Variants in HK1 observed in about 807,000 individuals in gnomAD.
HK1 encodes the protein hexokinase 1.
In HK1, 28 loss-of-function variants were observed where a neutral mutation model predicts 91.6. The ratio of observed to expected loss-of-function variants is 0.31; its 90% CI spans 0.23 to 0.42. The LOEUF (loss-of-function observed/expected upper bound fraction) is 0.42, where lower values mean the gene tolerates loss of function less well. HK1 is among the 10% of genes least tolerant of loss of function. The probability of loss-of-function intolerance (pLI) is 1.00; values close to 1 mark genes in which losing one functional copy is unlikely to be tolerated. For synonymous variants in HK1, 430 were observed against 468.1 expected (o/e 0.92, Z 1.05); for missense variants, 770 against 1,219.8 (o/e 0.63, Z 5.49).
At chr10:69,293,309 C>T (rs572531996) in intron 3 of HK1, among the ~76,000 whole-genome samples, 1 of 152,188 alleles carries the variant, frequency 6.6e-6, no homozygotes, top group Non-Finnish European at 1.5e-5. Context: ...AGGTTCCCAG[C>T]CTCAGTTCAC....
intron 5 of HK1, among the ~76,000 whole-genome samples, chr10:69,301,244 C>CAA (rs35215102): frequency 0.032 from 3,619 of 113,278 alleles, 125 homozygotes; most frequent in East Asian, 0.089. Context: ...GACTCCATCT[C>CAA]AAAAAAAAAA....
intron 14 of HK1, among the ~76,000 whole-genome samples, chr10:69,390,034 T>G (rs957500848): frequency 2.0e-5 from 3 of 152,170 alleles, no homozygotes; most frequent in African/African-American, 7.2e-5. Flanking sequence ...GCCTGGTGAG[T>G]GAGCAGTGGC....
chr10:69,368,193 T>C (rs1030769618), intron 4 of HK1, among the ~76,000 whole-genome samples: 7 of 152,252 alleles, frequency 4.6e-5, no homozygotes, highest in Non-Finnish European at 7.3e-5. Context: ...GGGATTTCTC[T>C]TGCTCCCTTT....
chr10:69,363,306 G>C (rs1849532134), intron 3 of HK1, among the ~76,000 whole-genome samples: 1 of 152,236 alleles, frequency 6.6e-6, no homozygotes, highest in African/African-American at 2.4e-5. Context: ...ACTAGAGGCA[G>C]AGAGATAAAG....
chr10:69,326,793 T>C (rs1268225696), intron 1 of HK1, among the ~76,000 whole-genome samples: 2 of 152,164 alleles, frequency 1.3e-5, no homozygotes, highest in African/African-American at 4.8e-5. Context: ...CTGAGATAGT[T>C]TGCTGCTTCT....
chr10:69,393,658 A>G (rs1436162892), intron 15 of HK1, among the ~76,000 whole-genome samples: 1 of 152,272 alleles, frequency 6.6e-6, no homozygotes, highest in African/African-American at 2.4e-5. Context: ...CAATAGTACC[A>G]TAAAGAGATG....
chr10:69,365,006 G>T, intron 4 of HK1, 104 bp downstream of exon 4: 1 of 1,272,682 alleles, frequency 7.9e-7, no homozygotes, highest in South Asian at 1.2e-5. Context: ...AGAATGGTTT[G>T]CATGTCTGGT....
intron 1 of HK1, among the ~76,000 whole-genome samples, chr10:69,272,262 C>T (rs1389339594): frequency 6.6e-6 from 1 of 152,220 alleles, no homozygotes; most frequent in Non-Finnish European, 1.5e-5. Flanking sequence ...TGCTAAATTT[C>T]AGTTACAGAC....
chr10:69,332,890 A>G (rs2132635393), intron 1 of HK1, among the ~76,000 whole-genome samples: 1 of 152,268 alleles, frequency 6.6e-6, no homozygotes, highest in East Asian at 1.9e-4. Flanking sequence ...CAGAGTAGGC[A>G]GACAACAGAG....
chr10:69,332,316 G>T (rs1847767497), intron 1 of HK1, among the ~76,000 whole-genome samples: 1 of 149,736 alleles, frequency 6.7e-6, no homozygotes, highest in South Asian at 2.1e-4. Flanking sequence ...CATCCAGCTT[G>T]AGCAGTATTG....
At chr10:69,299,103 C>A (rs2132491189) in intron 4 of HK1, among the ~76,000 whole-genome samples, 1 of 151,328 alleles carries the variant, frequency 6.6e-6, no homozygotes, top group African/African-American at 2.4e-5. Context: ...CCATGCCCGA[C>A]CTATGTTTTT....
intron 1 of HK1, among the ~76,000 whole-genome samples, chr10:69,329,198 C>T (rs1227593421): frequency 6.7e-6 from 1 of 149,750 alleles, no homozygotes; most frequent in African/African-American, 2.5e-5. Flanking sequence ...GAGTCTTGCT[C>T]TGTCACCAGG....
chr10:69,277,964 C>T (rs939610203), intron 1 of HK1, among the ~76,000 whole-genome samples: 13 of 151,438 alleles, frequency 8.6e-5, no homozygotes, highest in Non-Finnish European at 1.6e-4. Context: ...ACCTGGGAGG[C>T]GAAGGTTGCA....
In HK1 at chr10:69,369,205, G is replaced by A. The variant is rs1471975091; in HGVS notation, c.592-32G>A. On this transcript the variant is annotated intron_variant, in intron 5 of 17. Coordinates refer to ENST00000359426, the MANE Select transcript of HK1 (RefSeq NM_000188.3). This position sits in a 1 kb window ranked among gnomAD's most constrained non-coding sequence, Gnocchi z 4.4. ...GTGTGATCTCTGCTCCCATGTGTGAGTGGACAATGACACCCCGTTATCTGT... is the reference window on the plus strand; with the variant it reads ...GTGTGATCTCTGCTCCCATGTGTGAATGGACAATGACACCCCGTTATCTGT... 1 of 1,519,824 alleles carries A rather than the reference G, an allele frequency of 6.6e-7. No homozygotes were observed. Among genetic ancestry groups the A allele is most frequent in the Admixed American group, 1.7e-5 (1 of 59,858 alleles). 94.1% of individuals were successfully genotyped at this position (1,519,824 alleles called of 1,614,324 possible). A position where few individuals can be genotyped will look rare whatever the true frequency, so the allele number is the denominator to read the frequency against.
intron 10 of HK1, among the ~76,000 whole-genome samples, chr10:69,383,348 A>G (rs1381852139): frequency 6.6e-6 from 1 of 152,232 alleles, no homozygotes; most frequent in African/African-American, 2.4e-5. Flanking sequence ...TTTCGCATTC[A>G]GGCAAATTGT....
chr10:69,365,888 A>G (rs1389170823), intron 4 of HK1, among the ~76,000 whole-genome samples: 2 of 151,972 alleles, frequency 1.3e-5, no homozygotes, highest in Non-Finnish European at 2.9e-5. Flanking sequence ...CTGGAGTGCA[A>G]TGGCACGATC....
chr10:69,315,863 A>G (rs1846610115), upstream of HK1: 7 of 1,350,154 alleles, frequency 5.2e-6, no homozygotes, highest in Admixed American at 1.2e-4. Flanking sequence ...TCCTGGCTCA[A>G]AACTCTACCA....
At chr10:69,342,977 G>A (rs10998731) in intron 1 of HK1, among the ~76,000 whole-genome samples, 10,444 of 152,268 alleles carry the variant, frequency 0.069, 591 homozygotes, top group South Asian at 0.17. Context: ...TGAGGAGAAC[G>A]GGGAACTCAG....
At chr10:69,293,030 C>T (rs1191932976) in intron 3 of HK1, among the ~76,000 whole-genome samples, 1 of 152,192 alleles carries the variant, frequency 6.6e-6, no homozygotes, top group African/African-American at 2.4e-5. Context: ...CTGGACAAGA[C>T]TGATTTGGCC....
Sources: allele counts gnomAD v4.1 joint callset (sites outside exome capture counted in the v4.1 genomes callset), GRCh38; gene constraint gnomAD v4.1.1; non-coding constraint Gnocchi (gnomAD v3.1); transcripts MANE v1.5; gene names NCBI Gene and HGNC (gene_info 2026-07-23, HGNC 2026-07-21).